Variants in DIAPH3 observed in about 807,000 individuals in gnomAD.
The protein encoded by DIAPH3 is diaphanous related formin 3.
A neutral mutation model predicts 144.3 loss-of-function variants in DIAPH3; 117 were observed. The ratio of observed to expected loss-of-function variants is 0.81; its 90% CI spans 0.70 to 0.95. The LOEUF is 0.95. DIAPH3 is among the 40% of genes least tolerant of loss of function. DIAPH3 has a pLI of 0.00. For missense variants in DIAPH3, 1,421 were observed against 1,412.7 expected, an observed-to-expected ratio of 1.01 and a Z score of -0.09; for synonymous variants, 519 against 488.9, an observed-to-expected ratio of 1.06 and a Z score of -0.81.
chr13:59,786,022 A>G (rs1433853342), intron 25 of DIAPH3, among the ~76,000 whole-genome samples: 1 of 152,170 alleles, frequency 6.6e-6, no homozygotes, highest in Middle Eastern at 3.2e-3. Context: ...TGGATAAAAC[A>G]TACGGCTTGC....
intron 4 of DIAPH3, among the ~76,000 whole-genome samples, chr13:60,086,997 G>A (rs2057768302): frequency 6.6e-6 from 1 of 152,072 alleles, no homozygotes; most frequent in Non-Finnish European, 1.5e-5. Flanking sequence ...AAATGGCATA[G>A]TATTTGCATA....
chr13:60,129,231 C>T (rs779445836), intron 2 of DIAPH3, among the ~76,000 whole-genome samples: 7 of 152,164 alleles, frequency 4.6e-5, no homozygotes, highest in Non-Finnish European at 1.0e-4. Context: ...CTCACTCCCC[C>T]CTCCTCCCAA....
At chr13:59,740,823 A>G (rs1394602739) in intron 27 of DIAPH3, among the ~76,000 whole-genome samples, 3 of 152,170 alleles carry the variant, frequency 2.0e-5, no homozygotes, top group East Asian at 3.8e-4. Flanking sequence ...AAAGGAATAG[A>G]GGTCAGGAAA....
At chr13:60,110,451 T>C (rs966263743) in intron 3 of DIAPH3, among the ~76,000 whole-genome samples, 1 of 152,174 alleles carries the variant, frequency 6.6e-6, no homozygotes, top group African/African-American at 2.4e-5. Flanking sequence ...TCTAAATTTG[T>C]CAAAAATATG....
At chr13:59,673,745 A>C (rs1204794674) in intron 27 of DIAPH3, among the ~76,000 whole-genome samples, 2 of 152,164 alleles carry the variant, frequency 1.3e-5, no homozygotes, top group Non-Finnish European at 1.5e-5. Context: ...ATTGTGCCTA[A>C]GTAACAAAGC....
At chr13:60,034,814 G>A (rs181901705) in intron 5 of DIAPH3, 1 of 152,252 alleles carries the variant, frequency 6.6e-6, no homozygotes, top group Admixed American at 6.5e-5. Context: ...TTAAGTATCA[G>A]TAATATAGGG....
intron 7 of DIAPH3, chr13:60,012,790 G>T: frequency 6.2e-6 from 1 of 161,828 alleles, no homozygotes; most frequent in Non-Finnish European, 1.3e-5. Flanking sequence ...TGTATGAAAG[G>T]TGAAATAGGA....
chr13:59,802,697 C>T (rs2039999267), intron 25 of DIAPH3, among the ~76,000 whole-genome samples: 1 of 13,374 alleles, frequency 7.5e-5, no homozygotes, highest in Non-Finnish European at 2.0e-4. Flanking sequence ...TTTTTTGAGA[C>T]AGAGTCTCGC....
chr13:60,060,586 CAA>C (rs2056730198), intron 4 of DIAPH3, among the ~76,000 whole-genome samples: 1 of 152,020 alleles, frequency 6.6e-6, no homozygotes, highest in Non-Finnish European at 1.5e-5. Flanking sequence ...AAAGTCCAAC[CAA>C]AAGAGTTGTG....
At chr13:60,142,531 G>T (rs2059445619) in intron 1 of DIAPH3, among the ~76,000 whole-genome samples, 1 of 152,164 alleles carries the variant, frequency 6.6e-6, no homozygotes, top group African/African-American at 2.4e-5. Context: ...CCCCTCGGAA[G>T]TTTGAGCGCC....
chr13:60,134,864 A>C (rs1430004206), intron 1 of DIAPH3, among the ~76,000 whole-genome samples: 2 of 152,200 alleles, frequency 1.3e-5, no homozygotes, highest in African/African-American at 4.8e-5. Context: ...AAACAAATAA[A>C]ATATTCCCAA....
chr13:59,758,650 G>A (rs1418568141), intron 27 of DIAPH3, among the ~76,000 whole-genome samples: 1 of 152,146 alleles, frequency 6.6e-6, no homozygotes, highest in East Asian at 1.9e-4. Context: ...CATTTAAAAT[G>A]AAGGAAGAAG....
At chr13:60,009,664 C>T (rs1281884956) in intron 8 of DIAPH3, among the ~76,000 whole-genome samples, 1 of 152,162 alleles carries the variant, frequency 6.6e-6, no homozygotes, top group Non-Finnish European at 1.5e-5. Context: ...ACTGTAGGCA[C>T]ACTTTGCGGG....
At chr13:59,707,022 C>A (rs976083412) in intron 27 of DIAPH3, among the ~76,000 whole-genome samples, 1 of 152,096 alleles carries the variant, frequency 6.6e-6, no homozygotes. Context: ...ATATTATTAG[C>A]AGTTATTGTG....
At chr13:59,930,937 AG>A in intron 17 of DIAPH3, among the ~76,000 whole-genome samples, 1 of 152,256 alleles carries the variant, frequency 6.6e-6, no homozygotes, top group Middle Eastern at 3.4e-3. Context: ...TTATTGATCC[AG>A]CCCAAATTTG....
At chr13:59,721,507 A>G (rs937471185) in intron 27 of DIAPH3, among the ~76,000 whole-genome samples, 1 of 152,122 alleles carries the variant, frequency 6.6e-6, no homozygotes, top group Non-Finnish European at 1.5e-5. Flanking sequence ...TTATTTGTCA[A>G]TGTCTCTTCA....
At chr13:59,874,044 A>AT (rs1235441965) in intron 21 of DIAPH3, among the ~76,000 whole-genome samples, 2 of 151,838 alleles carry the variant, frequency 1.3e-5, no homozygotes, top group Admixed American at 1.3e-4. Context: ...GTTAATTTTC[A>AT]TTTTTTCATG....
intron 17 of DIAPH3, among the ~76,000 whole-genome samples, chr13:59,964,085 G>A (rs1163620982): frequency 6.6e-6 from 1 of 152,124 alleles, no homozygotes; most frequent in Non-Finnish European, 1.5e-5. Flanking sequence ...AGAAGACAGA[G>A]AAAATGGAAG....
intron 27 of DIAPH3, among the ~76,000 whole-genome samples, chr13:59,692,949 A>G (rs1211095633): frequency 6.6e-6 from 1 of 152,362 alleles, no homozygotes; most frequent in Non-Finnish European, 1.5e-5. Flanking sequence ...TAAACAAATA[A>G]TCAAACAAAT....
Sources: gnomAD v4.1 joint callset for allele counts (sites outside exome capture counted in the v4.1 genomes callset) on GRCh38, gnomAD v4.1.1 for gene constraint, MANE v1.5 for transcripts, NCBI Gene and HGNC (gene_info 2026-07-23, HGNC 2026-07-21) for gene names.